CNTNAP5: variants seen among roughly 807,000 people sequenced by gnomAD.
CNTNAP5 encodes contactin-associated protein-like 5.
Under a neutral mutation model 150.2 loss-of-function variants are expected in CNTNAP5, and 72 were observed. The ratio of observed to expected loss-of-function variants is 0.48; its 90% confidence interval spans 0.40 to 0.58. The LOEUF (loss-of-function observed/expected upper bound fraction) is 0.58, where lower values mean the gene tolerates loss of function less well. CNTNAP5 is among the 20% of genes least tolerant of loss of function. CNTNAP5 has a pLI of 0.00. For missense variants in CNTNAP5, 1,636 were observed against 1,626.2 expected (o/e 1.01, Z -0.10); for synonymous variants, 672 against 619.8 (o/e 1.08, Z -1.25).
chr2:124,774,423 AC>A (rs951939754), intron 17 of CNTNAP5, among the ~76,000 whole-genome samples: 3 of 152,150 alleles, frequency 2.0e-5, no homozygotes, highest in Non-Finnish European at 2.9e-5. Flanking sequence ...CTCAACAGGA[AC>A]CATATTTCTT....
chr2:124,361,243 C>T (rs1690189210), intron 3 of CNTNAP5, among the ~76,000 whole-genome samples: 1 of 143,550 alleles, frequency 7.0e-6, no homozygotes. Context: ...ACTTCTTTGC[C>T]TTTGGTTTGA....
At chr2:124,045,900 G>A (rs759475182) in intron 1 of CNTNAP5, among the ~76,000 whole-genome samples, 10 of 152,170 alleles carry the variant, frequency 6.6e-5, no homozygotes, top group Non-Finnish European at 1.3e-4. Flanking sequence ...CTTTGTTTAA[G>A]AGGTGTTGTG....
At chr2:124,580,658 G>GGT (rs1696389452) in intron 11 of CNTNAP5, among the ~76,000 whole-genome samples, 1 of 152,112 alleles carries the variant, frequency 6.6e-6, no homozygotes, top group Non-Finnish European at 1.5e-5. Context: ...AGTTACGTTT[G>GGT]GTCATGATGC....
At chr2:124,851,283 G>A (rs977171918) in intron 19 of CNTNAP5, among the ~76,000 whole-genome samples, 2 of 152,148 alleles carry the variant, frequency 1.3e-5, no homozygotes, top group East Asian at 1.9e-4. Context: ...TTGAACCCTG[G>A]AGGCAGAGGC....
At chr2:124,396,423 T>A (rs1691245863) in intron 3 of CNTNAP5, among the ~76,000 whole-genome samples, 1 of 152,198 alleles carries the variant, frequency 6.6e-6, no homozygotes, top group South Asian at 2.1e-4. Flanking sequence ...GTGGAAGCAC[T>A]GTTGCAAACT....
At chr2:124,807,139 A>G (rs1448094054) in intron 19 of CNTNAP5, among the ~76,000 whole-genome samples, 2 of 152,194 alleles carry the variant, frequency 1.3e-5, no homozygotes, top group African/African-American at 4.8e-5. Context: ...GCCTGAGCTC[A>G]GGGCTTATTC....
At chr2:124,457,830 G>A (rs1046650805) in intron 6 of CNTNAP5, among the ~76,000 whole-genome samples, 42 of 152,016 alleles carry the variant, frequency 2.8e-4, no homozygotes, top group Non-Finnish European at 5.4e-4. Flanking sequence ...TATCACTAAT[G>A]ATCAGGAAAA....
intron 13 of CNTNAP5, among the ~76,000 whole-genome samples, chr2:124,652,709 C>T (rs1163188178): frequency 6.6e-6 from 1 of 152,124 alleles, no homozygotes; most frequent in African/African-American, 2.4e-5. Flanking sequence ...ATTGGAAGGC[C>T]TCCCTATCCC....
intron 13 of CNTNAP5, among the ~76,000 whole-genome samples, chr2:124,736,738 T>C (rs1251106191): frequency 1.3e-5 from 2 of 152,190 alleles, no homozygotes; most frequent in Non-Finnish European, 2.9e-5. Context: ...ATCATAATCA[T>C]ATATATTTCT....
chr2:124,280,067 T>G (rs967770538), intron 3 of CNTNAP5, among the ~76,000 whole-genome samples: 1 of 152,084 alleles, frequency 6.6e-6, no homozygotes, highest in African/African-American at 2.4e-5. Flanking sequence ...AAATTCCTAC[T>G]GCATGTGTTT....
chr2:124,902,238 A>G (rs1369501211), intron 21 of CNTNAP5, among the ~76,000 whole-genome samples: 1 of 152,186 alleles, frequency 6.6e-6, no homozygotes, highest in African/African-American at 2.4e-5. Flanking sequence ...TCCATCTTTT[A>G]TAAAGTCTCA....
intron 13 of CNTNAP5, among the ~76,000 whole-genome samples, chr2:124,716,551 T>G (rs1304820157): frequency 6.6e-6 from 1 of 151,946 alleles, no homozygotes; most frequent in Admixed American, 6.6e-5. Flanking sequence ...CAATGTTTAT[T>G]GTTTTTAAAC....
chr2:124,225,868 G>A (rs1278224186), intron 2 of CNTNAP5, among the ~76,000 whole-genome samples: 1 of 152,126 alleles, frequency 6.6e-6, no homozygotes, highest in African/African-American at 2.4e-5. Context: ...GTGAGATAAT[G>A]CAGTATTTGT....
intron 21 of CNTNAP5, among the ~76,000 whole-genome samples, chr2:124,886,778 C>G (rs1040381690): frequency 6.6e-6 from 1 of 151,920 alleles, no homozygotes; most frequent in Non-Finnish European, 1.5e-5. Flanking sequence ...TTCCAAACTC[C>G]CCCTGCTTAC....
intron 1 of CNTNAP5, among the ~76,000 whole-genome samples, chr2:124,133,342 T>G (rs1374544298): frequency 6.6e-6 from 1 of 152,170 alleles, no homozygotes; most frequent in African/African-American, 2.4e-5. Context: ...TCCCTATAGC[T>G]TCTTCAAAGC....
chr2:124,247,383 C>A (rs905035240), intron 3 of CNTNAP5, among the ~76,000 whole-genome samples: 15 of 151,346 alleles, frequency 9.9e-5, no homozygotes, highest in Admixed American at 9.2e-4. Flanking sequence ...ATTAAGGAGA[C>A]AAATCAATGG....
chr2:124,540,098 G>A (rs140426882), intron 10 of CNTNAP5, among the ~76,000 whole-genome samples: 1 of 152,300 alleles, frequency 6.6e-6, no homozygotes, highest in African/African-American at 2.4e-5. Flanking sequence ...CCAAATTTTA[G>A]TCTCTAAACT....
intron 1 of CNTNAP5, among the ~76,000 whole-genome samples, chr2:124,215,675 A>G (rs1398815033): frequency 1.4e-5 from 2 of 142,750 alleles, no homozygotes. Flanking sequence ...GGTAGGGTTT[A>G]TCTAGGGGAG....
chr2:124,443,681 G>A (rs1692731173), intron 5 of CNTNAP5, among the ~76,000 whole-genome samples: 1 of 151,892 alleles, frequency 6.6e-6, no homozygotes, highest in South Asian at 2.1e-4. Context: ...TTTTGAAGCA[G>A]GATAGGGTGA....
Sources: allele counts gnomAD v4.1 joint callset (sites outside exome capture counted in the v4.1 genomes callset), GRCh38; gene constraint gnomAD v4.1.1; transcripts MANE v1.5; gene names NCBI Gene and HGNC (gene_info 2026-07-23, HGNC 2026-07-21).